The following ST13 variants were observed in gnomAD, a reference collection of about 807,000 sequenced individuals.
ST13 encodes hsc70-interacting protein.
Under a neutral mutation model 56.7 loss-of-function variants are expected in ST13, and 23 were observed. The observed-to-expected ratio is 0.41, with a 90% CI of 0.29 to 0.57. The LOEUF (loss-of-function observed/expected upper bound fraction) is 0.57, where lower values mean the gene tolerates loss of function less well. Among genes scored for constraint, ST13 ranks in the 20% least tolerant of loss-of-function variants. The pLI is 0.36. For missense variants in ST13, 369 were observed against 459.9 expected (o/e 0.80, Z 1.81); for synonymous variants, 132 against 142.4 (o/e 0.93, Z 0.52).
At position 40,856,624 on chromosome 22, in the gene ST13, G is replaced by A. The variant is rs1222957456; in HGVS notation, c.-84C>T. 11 of 1,112,298 alleles carry A rather than the reference G, an allele frequency of 9.9e-6. No individual in the cohort carries two copies. The highest frequency in any genetic ancestry group is 2.9e-4 in the Middle Eastern group (1 of 3,504). The allele number at this position is 1,112,298 out of a possible 1,614,324, so 68.9% of individuals were successfully genotyped here. ...TGGCTCGGCGTGACCGCGCAGAAGGGGGCGGCTGCCGCAAGACAGAACAGA... is the reference window on the plus strand; with the variant it reads ...TGGCTCGGCGTGACCGCGCAGAAGGAGGCGGCTGCCGCAAGACAGAACAGA... On this transcript the variant is annotated 5_prime_UTR_variant, in exon 1 of 12. Transcript: ENST00000216218.
intron 3 of ST13, among the ~76,000 whole-genome samples, chr22:40,845,402 A>G (rs1286790025): frequency 2.0e-5 from 3 of 152,046 alleles, no homozygotes; most frequent in African/African-American, 2.4e-5. Context: ...GTTGTCCAAG[A>G]AATCCTCCCA....
chr22:40,827,297 A>G (rs980282505), intron 10 of ST13, 68 bp from the exon 11 acceptor site: 1 of 1,552,750 alleles, frequency 6.4e-7, no homozygotes, highest in Non-Finnish European at 8.8e-7. Flanking sequence ...TCATCCACAA[A>G]AAGTACAGGT....
chr22:40,849,479 CAA>C (rs57060131), intron 2 of ST13, among the ~76,000 whole-genome samples: 8,867 of 54,240 alleles, frequency 0.16, 214 homozygotes, highest in African/African-American at 0.27. Flanking sequence ...GACTCTGTCT[CAA>C]AAAAAAAAAA....
In ST13 at chr22:40,835,808, C is replaced by T. The variant is rs759194262; in HGVS notation, c.462G>A (p.Arg154=). The T allele has an allele frequency of 6.2e-7, 1 of 1,613,700 alleles. No individual in the cohort carries two copies. Among genetic ancestry groups the T allele is most frequent in the East Asian group, 2.2e-5 (1 of 44,876 alleles). Residue 154 remains arginine, a synonymous_variant, in exon 6 of 12, where the codon AGG becomes AGA. Transcript: ENST00000216218. ...NPRLAILYAK[R]ASVFVKLQKP... is the part of the protein sequence containing the mutation. Reference sequence around the variant, plus strand: ...TTTCTGTTTAGAGTTCTCACCTGGCCCTCTTGGCATACAAAATGGCCAAGC... The same window carrying T: ...TTTCTGTTTAGAGTTCTCACCTGGCTCTCTTGGCATACAAAATGGCCAAGC...
intron 3 of ST13, 139 bp from the exon 4 acceptor site, chr22:40,845,048 TTAAACATTTCGTTACTTTGG>T (rs1306175729): frequency 1.6e-6 from 1 of 608,210 alleles, no homozygotes. Flanking sequence ...TATGTTCCCA[TTAAACATTTCGTTACTTTGG>T]TAAGACTACA....
Position 40,829,656 on chromosome 22 carries a change from G to A in ST13, c.817C>T (p.Gln273Ter). Residue 273 changes from glutamine (Q) to a stop codon, truncating the protein, a stop_gained, in exon 10 of 12, where the codon CAG becomes TAG. Coordinates refer to ENST00000216218, the MANE Select transcript of ST13 (RefSeq NM_003932.5). LOFTEE classifies it high-confidence loss of function. ...RAQREEEARR[Q>*]SGAQYGSFPG... ...AAAGAGCCATACTGAGCTCCTGACTGTCGTCTGGCTTCTTCCTCCTTTGAT... is the reference window on the plus strand; with the variant it reads ...AAAGAGCCATACTGAGCTCCTGACTATCGTCTGGCTTCTTCCTCCTTTGAT... The A allele has an allele frequency of 1.3e-6, 2 of 1,492,072 alleles. No homozygotes were observed. Among genetic ancestry groups the A allele is most frequent in the Non-Finnish European group, 9.0e-7 (1 of 1,106,242 alleles). The allele number at this position is 1,492,072 out of a possible 1,614,324, so 92.4% of individuals were successfully genotyped here. A position where few individuals can be genotyped will look rare whatever the true frequency, so the allele number is the denominator to read the frequency against.
At chr22:40,826,797 C>T (rs935217155) in intron 11 of ST13, 131 bp from the exon 12 acceptor site, 172 of 1,061,404 alleles carry the variant, frequency 1.6e-4, no homozygotes, top group Admixed American at 2.3e-4. Flanking sequence ...TAGATGAGTG[C>T]TTGAAGTATC....
chr22:40,835,522 G>A, intron 7 of ST13, 38 bp downstream of exon 7: 1 of 1,521,866 alleles, frequency 6.6e-7, no homozygotes, highest in Non-Finnish European at 9.1e-7. Flanking sequence ...AGATTTAAAT[G>A]TAAAGAGTTC....
chr22:40,839,548 C>T (rs184492053), intron 5 of ST13, among the ~76,000 whole-genome samples: 6 of 149,020 alleles, frequency 4.0e-5, no homozygotes, highest in Admixed American at 1.3e-4. Flanking sequence ...GCACATCACT[C>T]GAGGTCAGGA....
chr22:40,832,479 T>C (rs756514835), intron 8 of ST13, 90 bp downstream of exon 8: 116 of 943,662 alleles, frequency 1.2e-4, no homozygotes, highest in Non-Finnish European at 1.9e-4. Flanking sequence ...TCTTTGCCTG[T>C]TTTTCAGATG....
At chr22:40,849,434 C>T (rs542081511) in intron 2 of ST13, among the ~76,000 whole-genome samples, 2 of 144,294 alleles carry the variant, frequency 1.4e-5, no homozygotes, top group South Asian at 2.2e-4. Flanking sequence ...GCCAAGAGAT[C>T]GCACCACTGC....
intron 1 of ST13, among the ~76,000 whole-genome samples, chr22:40,851,515 T>C (rs1156871110): frequency 6.6e-6 from 1 of 152,098 alleles, no homozygotes; most frequent in Non-Finnish European, 1.5e-5. Flanking sequence ...AGCAAATAAC[T>C]AGAAGAGAAA....
Position 40,830,935 on chromosome 22 carries a change from G to C in ST13, c.703C>G (p.Arg235Gly). ...TCACGTTTTCGCTCATACTTTCTCC[G>C]ATGTTCTGCAATTTTCTGTGCCTAG... ...QPRAQKIAEH[R>G]RKYERKREER... Residue 235 changes from arginine to glycine, a missense_variant, in exon 9 of 12, where the codon CGG (arginine) becomes GGG (glycine). Transcript: ENST00000216218. 1 of 1,600,150 alleles carries C rather than the reference G, an allele frequency of 6.2e-7. No homozygotes were observed. Among genetic ancestry groups the C allele is most frequent in the Non-Finnish European group, 8.5e-7 (1 of 1,178,862 alleles).
chr22:40,826,949 GAAAAT>G, intron 11 of ST13, 142 bp downstream of exon 11: 1 of 1,001,246 alleles, frequency 1.0e-6, no homozygotes, highest in Non-Finnish European at 1.4e-6. Flanking sequence ...TCTGCATAAA[GAAAAT>G]AAATGTCACT....
intron 3 of ST13, 64 bp from the exon 4 acceptor site, chr22:40,844,973 T>G: frequency 1.7e-6 from 2 of 1,189,176 alleles, no homozygotes; most frequent in Non-Finnish European, 2.4e-6. Flanking sequence ...ACTCCCAAGA[T>G]TATTAAAAAC....
chr22:40,846,817 ACT>A (rs1020520161), intron 3 of ST13, among the ~76,000 whole-genome samples: 12 of 151,924 alleles, frequency 7.9e-5, no homozygotes, highest in Non-Finnish European at 1.6e-4. Context: ...ACATGGTGAA[ACT>A]CTGTCTCTCC....
rs192134325 is a variant in ST13, at chr22:40,848,553, C to T, written c.169-184G>A. Among the ~76,000 whole-genome samples the T allele has an allele frequency of 8.2e-4, 125 of 152,238 alleles. No individual in the cohort carries two copies. In the Middle Eastern group the frequency reaches 0.014, roughly 17 times the overall value. ...TTTGAGGTTAGGAGTTCAAGACTAG[C>T]CTGGCCAACACGGTGAAACCATCTC... On this transcript the variant is annotated intron_variant, in intron 2 of 11. Coordinates refer to ENST00000216218, the MANE Select transcript of ST13 (RefSeq NM_003932.5).
At chr22:40,839,858 A>G (rs1296620609) in intron 5 of ST13, among the ~76,000 whole-genome samples, 1 of 151,740 alleles carries the variant, frequency 6.6e-6, no homozygotes, top group Non-Finnish European at 1.5e-5. Flanking sequence ...ATAAATATAT[A>G]TAAAAAAAGA....
At chr22:40,851,695 C>T (rs2057862010) in intron 1 of ST13, among the ~76,000 whole-genome samples, 1 of 151,826 alleles carries the variant, frequency 6.6e-6, no homozygotes. Flanking sequence ...ACAACAAAAG[C>T]CATTAACTAT....
Sources: allele counts gnomAD v4.1 joint callset (sites outside exome capture counted in the v4.1 genomes callset), GRCh38; gene constraint gnomAD v4.1.1; transcripts MANE v1.5; gene names NCBI Gene and HGNC (gene_info 2026-07-23, HGNC 2026-07-21).